HEG1: variants seen among roughly 807,000 people sequenced by gnomAD.
HEG1 encodes the protein protein HEG homolog 1.
In HEG1, 56 loss-of-function variants were observed where a neutral mutation model predicts 125.6. The observed-to-expected ratio is 0.45, with a 90% CI of 0.36 to 0.56. The LOEUF (loss-of-function observed/expected upper bound fraction) is 0.56. HEG1 is among the 20% of genes least tolerant of loss of function. The pLI, the probability that HEG1 is intolerant of heterozygous loss-of-function variation, is 0.00. For synonymous variants in HEG1, 644 were observed against 668.5 expected, an observed-to-expected ratio of 0.96 and a Z score of 0.57; for missense variants, 1,523 against 1,670.0, an observed-to-expected ratio of 0.91 and a Z score of 1.53.
intron 3 of HEG1, among the ~76,000 whole-genome samples, chr3:125,022,735 T>C (rs1579424885): frequency 1.3e-5 from 2 of 151,152 alleles, no homozygotes; most frequent in South Asian, 4.2e-4. Flanking sequence ...ATTATAGATA[T>C]GCCCCAAATC....
chr3:125,007,849 A>C (rs555132536), intron 8 of HEG1, among the ~76,000 whole-genome samples: 1 of 152,344 alleles, frequency 6.6e-6, no homozygotes, highest in African/African-American at 2.4e-5. Context: ...ACTCCTGGCA[A>C]TATCTTAGTG....
chr3:124,987,952 C>CACACACACATATATATATATATATATAT, intron 14 of HEG1, among the ~76,000 whole-genome samples: 3 of 54,696 alleles, frequency 5.5e-5, no homozygotes, highest in Admixed American at 4.4e-4. Flanking sequence ...CACACACACA[C>CACACACACATATATATATATATATATAT]ATATATATAT....
At chr3:125,007,664 G>A (rs1937091816) in intron 8 of HEG1, among the ~76,000 whole-genome samples, 1 of 152,166 alleles carries the variant, frequency 6.6e-6, no homozygotes, top group Non-Finnish European at 1.5e-5. Context: ...TGAGTGGGAA[G>A]CAGGACAGAT....
chr3:124,986,868 G>C (rs976633725), intron 14 of HEG1, among the ~76,000 whole-genome samples: 41 of 152,256 alleles, frequency 2.7e-4, no homozygotes, highest in East Asian at 1.5e-3. Context: ...CAATGACATA[G>C]GGAAACAGCA....
chr3:124,994,435 C>G (rs1474560064), intron 12 of HEG1, among the ~76,000 whole-genome samples: 1 of 152,142 alleles, frequency 6.6e-6, no homozygotes, highest in Non-Finnish European at 1.5e-5. Flanking sequence ...ACTGGGCTTC[C>G]CCTATTGCCA....
At chr3:124,981,912 ATT>A (rs113739979) in intron 14 of HEG1, among the ~76,000 whole-genome samples, 49,991 of 148,742 alleles carry the variant, frequency 0.34, 8,754 homozygotes, top group East Asian at 0.48. Flanking sequence ...ACACATACAT[ATT>A]TTTTTTTTTT....
chr3:124,979,172 G>A (rs960523858), intron 14 of HEG1, among the ~76,000 whole-genome samples: 27 of 151,928 alleles, frequency 1.8e-4, no homozygotes, highest in East Asian at 1.2e-3. Flanking sequence ...GACTGATCTC[G>A]AACTCCTAAC....
chr3:124,984,308 C>G (rs996766689), intron 14 of HEG1, among the ~76,000 whole-genome samples: 1 of 152,106 alleles, frequency 6.6e-6, no homozygotes, highest in African/African-American at 2.4e-5. Context: ...GCAGGGGTCT[C>G]CTCTGAAGAG....
rs773314696 is a variant in HEG1, at chr3:125,021,013, C to A, written c.1031G>T (p.Arg344Leu). The A allele has an allele frequency of 3.1e-6, 5 of 1,613,712 alleles. No individual in the cohort carries two copies. The highest frequency in any genetic ancestry group is 4.2e-6 in the Non-Finnish European group (5 of 1,179,802). Residue 344 changes from arginine to leucine, a missense_variant, in exon 4 of 17, where the codon CGA becomes CTA. Coordinates refer to ENST00000311127, the MANE Select transcript of HEG1 (RefSeq NM_020733.2). ...AGGTCCCAGACTGACCGTCAAAGATCGCAGCGTTCTCGGGCCACCATCAGT... is the reference window on the plus strand; with the variant it reads ...AGGTCCCAGACTGACCGTCAAAGATAGCAGCGTTCTCGGGCCACCATCAGT... ...VFTDGGPRTL[R>L]SLTVSLGPVS...
intron 5 of HEG1, among the ~76,000 whole-genome samples, chr3:125,016,201 G>A (rs1383328896): frequency 6.6e-6 from 1 of 152,244 alleles, no homozygotes; most frequent in Non-Finnish European, 1.5e-5. Context: ...AGTAGAGAGA[G>A]AGTCAGACAT....
intron 14 of HEG1, among the ~76,000 whole-genome samples, chr3:124,978,574 T>C (rs990239661): frequency 6.6e-6 from 1 of 152,188 alleles, no homozygotes; most frequent in Non-Finnish European, 1.5e-5. Context: ...ATGAGTTTTT[T>C]AAAAACTTAA....
chr3:125,002,266 T>C lies in HEG1; in HGVS notation c.3347A>G (p.His1116Arg). 2 of 1,613,240 alleles carry C rather than the reference T, an allele frequency of 1.2e-6. No homozygotes were observed. Among genetic ancestry groups the C allele is most frequent in the South Asian group, 2.2e-5 (2 of 90,986 alleles). The change falls in exon 10 of 17, where the codon CAC (histidine) becomes CGC (arginine). Residue 1116 changes from histidine (H) to arginine (R), a missense_variant. His to Arg is a conservative substitution (Grantham distance 29). Coordinates refer to ENST00000311127, the MANE Select transcript of HEG1 (RefSeq NM_020733.2). ...ALPSYIRSTV[H>R]ASRESNAVVI... Reference sequence around the variant, plus strand: ...TAATTCTGTTACTTACCTAGAGGCGTGAACTGTAGATCGGATGTAACTAGG... The same window carrying C: ...TAATTCTGTTACTTACCTAGAGGCGCGAACTGTAGATCGGATGTAACTAGG...
chr3:125,017,628 T>A (rs1937270743), intron 5 of HEG1, among the ~76,000 whole-genome samples: 1 of 152,170 alleles, frequency 6.6e-6, no homozygotes, highest in Non-Finnish European at 1.5e-5. Flanking sequence ...CTGGTGGGAA[T>A]ATAAAATGAT....
At chr3:125,027,594 A>G in intron 2 of HEG1, 87 bp from the exon 3 acceptor site, 2 of 1,036,704 alleles carry the variant, frequency 1.9e-6, no homozygotes, top group Admixed American at 5.5e-5. Context: ...TCTGACATCT[A>G]CAAAATATAC....
intron 14 of HEG1, among the ~76,000 whole-genome samples, chr3:124,990,497 C>A (rs1364782102): frequency 2.0e-5 from 3 of 152,154 alleles, no homozygotes; most frequent in Admixed American, 6.5e-5. Context: ...TGCCATCACA[C>A]CCAGCTAATT....
Position 124,983,742 on chromosome 3 carries a change from T to C in HEG1, c.3734-5796A>G, listed in dbSNP as rs573487437. Among the ~76,000 whole-genome samples the C allele has an allele frequency of 2.8e-4, 43 of 152,238 alleles. No individual in the cohort carries two copies. In the East Asian group the frequency reaches 7.9e-3, roughly 28 times the overall value. On this transcript the variant is annotated intron_variant, in intron 14 of 16. Transcript: ENST00000311127. ...ACCTTTTGCAAGTCTACAACCAGGG[T>C]GTGAACATACCCGGTGCCCACCACT...
At chr3:125,050,797 A>T (rs1937788840) in intron 1 of HEG1, among the ~76,000 whole-genome samples, 1 of 152,266 alleles carries the variant, frequency 6.6e-6, no homozygotes, top group Admixed American at 6.5e-5. Flanking sequence ...TTTACAAATC[A>T]GTCCAATGTG....
In HEG1 at chr3:125,010,624, T is replaced by C; in HGVS notation, c.2957-69A>G. The C allele has an allele frequency of 6.6e-6, 6 of 914,056 alleles. No individual in the cohort carries two copies. The South Asian group carries it at 9.8e-5, about 15-fold the overall frequency. 56.6% of individuals were successfully genotyped at this position (914,056 alleles called of 1,614,324 possible). On this transcript the variant is annotated intron_variant, in intron 6 of 16. Coordinates refer to ENST00000311127, the MANE Select transcript of HEG1 (RefSeq NM_020733.2). ...ATGTAAAGGCAGCTTTAGGTAAATA[T>C]TTAATTCTCCCAGCTAATATTTGAT...
In HEG1 at chr3:125,005,337, C is replaced by T. The variant is rs368535334; in HGVS notation, c.3225G>A (p.Lys1075=). ...VRTFVTEFKL[K]RTFLNTTVEK... is the part of the protein sequence containing the mutation. The stretch of plus-strand genomic sequence containing the variant: ...CCACAGTTGTATTAAGAAAAGTTCT[C>T]TTTAATTTAAACTCTGTCACGAAGG... The change falls in exon 9 of 17, where the codon AAG becomes AAA. Residue 1075 remains lysine, a synonymous_variant. Transcript: ENST00000311127. The T allele has an allele frequency of 4.4e-6, 7 of 1,588,662 alleles. No homozygotes were observed. The African/African-American group carries it at 8.1e-5, about 18-fold the overall frequency.
Sources: allele counts gnomAD v4.1 joint callset (sites outside exome capture counted in the v4.1 genomes callset), GRCh38; gene constraint gnomAD v4.1.1; transcripts MANE v1.5; gene names NCBI Gene and HGNC (gene_info 2026-07-23, HGNC 2026-07-21).